ARMH4: variants seen among roughly 807,000 people sequenced by gnomAD.
The protein encoded by ARMH4 is armadillo like helical domain containing 4, also known as armadillo-like helical domain-containing protein 4.
A neutral mutation model predicts 61.9 loss-of-function variants in ARMH4; 49 were observed. The observed-to-expected ratio is 0.79, with a 90% CI of 0.63 to 1.00. The LOEUF is 1.00. Among genes scored for constraint, ARMH4 ranks in the 50% least tolerant of loss-of-function variants. ARMH4 has a pLI of 0.00. For missense variants in ARMH4, 934 were observed against 930.0 expected, an observed-to-expected ratio of 1.00 and a Z score of -0.06; for synonymous variants, 368 against 341.5, an observed-to-expected ratio of 1.08 and a Z score of -0.85.
intron 4 of ARMH4, among the ~76,000 whole-genome samples, chr14:58,107,412 C>T (rs1752718231): frequency 6.6e-6 from 1 of 152,118 alleles, no homozygotes; most frequent in Non-Finnish European, 1.5e-5. Flanking sequence ...TTTTACATGT[C>T]AAATTTCTCT....
chr14:58,118,875 G>A (rs1371803745), intron 4 of ARMH4, among the ~76,000 whole-genome samples: 5 of 152,102 alleles, frequency 3.3e-5, no homozygotes, highest in Non-Finnish European at 5.9e-5. Flanking sequence ...GTTTTAATAG[G>A]AAACAGGATT....
intron 5 of ARMH4, among the ~76,000 whole-genome samples, chr14:58,033,022 G>T (rs12888960): frequency 1.1e-5 from 1 of 93,012 alleles, no homozygotes; most frequent in Non-Finnish European, 2.3e-5. Flanking sequence ...CAAAGCAGCC[G>T]GGAACCTCGA....
intron 4 of ARMH4, among the ~76,000 whole-genome samples, chr14:58,117,400 T>C (rs1027861817): frequency 6.6e-6 from 1 of 152,242 alleles, no homozygotes; most frequent in African/African-American, 2.4e-5. Flanking sequence ...TTGGTTAGGT[T>C]GATTATTGAC....
chr14:58,137,900 A>C, intron 2 of ARMH4, 90 bp downstream of exon 2: 1 of 1,315,162 alleles, frequency 7.6e-7, no homozygotes, highest in Middle Eastern at 2.3e-4. Context: ...TTTTCATTAA[A>C]ACTTCAACCT....
intron 1 of ARMH4, among the ~76,000 whole-genome samples, chr14:58,149,044 A>C (rs530882596): frequency 6.6e-6 from 1 of 152,316 alleles, no homozygotes; most frequent in South Asian, 2.1e-4. Flanking sequence ...GTGTCTTAAC[A>C]ATCTTTCCAC....
At chr14:58,141,592 C>A in intron 1 of ARMH4, 3 of 475,000 alleles carry the variant, frequency 6.3e-6, no homozygotes, top group South Asian at 5.0e-5. Flanking sequence ...TTGCCTGCAC[C>A]CCGGTGCTAT....
chr14:58,136,949 T>C (rs1018676938), intron 2 of ARMH4, among the ~76,000 whole-genome samples: 4 of 152,198 alleles, frequency 2.6e-5, no homozygotes, highest in African/African-American at 7.2e-5. Context: ...TTCATATAGT[T>C]AATACTATGA....
chr14:58,008,812 G>A (rs932893671), intron 6 of ARMH4, among the ~76,000 whole-genome samples: 4 of 152,188 alleles, frequency 2.6e-5, no homozygotes, highest in Admixed American at 6.5e-5. Flanking sequence ...ATTGAGAATC[G>A]CTGCTATGAA....
chr14:58,030,134 G>A (rs1883174526), intron 5 of ARMH4, among the ~76,000 whole-genome samples: 1 of 152,210 alleles, frequency 6.6e-6, no homozygotes, highest in Non-Finnish European at 1.5e-5. Flanking sequence ...AGAAGATGGG[G>A]TAAAGAAGCT....
In ARMH4 at chr14:58,001,916, T is replaced by A. The variant is rs1231710852; in HGVS notation, c.*2820A>T. The A allele has an allele frequency of 2.6e-5, 4 of 151,972 alleles. No homozygotes were observed. Among genetic ancestry groups the A allele is most frequent in the Non-Finnish European group, 5.9e-5 (4 of 67,988 alleles). 9.4% of individuals were successfully genotyped at this position (151,972 alleles called of 1,614,324 possible). A position where few individuals can be genotyped will look rare whatever the true frequency, so the allele number is the denominator to read the frequency against. On this transcript the variant is annotated 3_prime_UTR_variant, in exon 8 of 8. Coordinates refer to ENST00000267485, the MANE Select transcript of ARMH4 (RefSeq NM_001001872.4). ...TTCTGGCTGGGTAAACTCAGTCCAG[T>A]GGGGATGGTGTTCACAACTGAAGCT... is the stretch of plus-strand genomic sequence containing the variant.
At chr14:58,036,817 T>TA (rs1379268586) in intron 5 of ARMH4, among the ~76,000 whole-genome samples, 1 of 125,140 alleles carries the variant, frequency 8.0e-6, no homozygotes, top group African/African-American at 2.9e-5. Flanking sequence ...TCAAAGAGAA[T>TA]AAAATACCTA....
At position 58,152,190 on chromosome 14, in the gene ARMH4, C is replaced by G. The variant is rs987466246; in HGVS notation, c.-172G>C. 1.3e-5 allele frequency: 2 copies of G among 158,778 alleles called. No individual in the cohort carries two copies. The highest frequency in any genetic ancestry group is 4.8e-5 in the African/African-American group (2 of 41,510). 9.8% of individuals were successfully genotyped at this position (158,778 alleles called of 1,614,324 possible). A position where few individuals can be genotyped will look rare whatever the true frequency, so the allele number is the denominator to read the frequency against. Reference sequence around the variant, plus strand: ...CGGCGGTAGCGGCGGCGACTCCCTCCGCTGTCTGGGACGCTAGGGGGAGGG... The same window carrying G: ...CGGCGGTAGCGGCGGCGACTCCCTCGGCTGTCTGGGACGCTAGGGGGAGGG... On this transcript the variant is annotated 5_prime_UTR_variant, in exon 1 of 8. Coordinates refer to ENST00000267485, the MANE Select transcript of ARMH4 (RefSeq NM_001001872.4).
At chr14:58,100,978 G>A (rs997143758) in intron 4 of ARMH4, 8 of 173,224 alleles carry the variant, frequency 4.6e-5, no homozygotes, top group African/African-American at 1.2e-4. Context: ...CAAAGGAAAA[G>A]CCAAAGATGT....
chr14:58,135,679 T>C (rs1411947507), intron 2 of ARMH4, among the ~76,000 whole-genome samples: 1 of 152,094 alleles, frequency 6.6e-6, no homozygotes, highest in Non-Finnish European at 1.5e-5. Context: ...TGATCTTCAG[T>C]TGAAGCAGCT....
rs1469124105 is a variant in ARMH4, at chr14:58,138,221, G to A, written c.1138C>T (p.Leu380=). ...CTCTCATTCCCATGCGCTATTAGCA[G>A]GGCTGTGCCCGTGTGTGTTTCCCCT... ...PEGETHTGTA[L]LIAHGNERSP... The change falls in exon 2 of 8, where the codon CTG becomes TTG. Residue 380 remains leucine, a synonymous_variant. Coordinates refer to ENST00000267485, the MANE Select transcript of ARMH4 (RefSeq NM_001001872.4). 3 of 1,614,214 alleles carry A rather than the reference G, an allele frequency of 1.9e-6. No homozygotes were observed. Among genetic ancestry groups the A allele is most frequent in the African/African-American group, 2.7e-5 (2 of 75,058 alleles).
At chr14:58,102,228 G>A (rs1886007838) in intron 4 of ARMH4, among the ~76,000 whole-genome samples, 1 of 152,130 alleles carries the variant, frequency 6.6e-6, no homozygotes, top group Non-Finnish European at 1.5e-5. Flanking sequence ...AATGAGTTAT[G>A]GGGTAGAGAA....
intron 5 of ARMH4, among the ~76,000 whole-genome samples, chr14:58,069,074 C>T (rs993251280): frequency 2.6e-5 from 4 of 150,966 alleles, no homozygotes; most frequent in African/African-American, 9.7e-5. Context: ...CTAGTCCAAA[C>T]ATCCCCTGAC....
At chr14:58,101,900 T>C (rs913001731) in intron 4 of ARMH4, among the ~76,000 whole-genome samples, 2 of 152,048 alleles carry the variant, frequency 1.3e-5, no homozygotes, top group South Asian at 2.1e-4. Flanking sequence ...ATTTCACAAA[T>C]GGATGGGTAG....
At chr14:58,132,660 C>A (rs1488370893) in intron 3 of ARMH4, among the ~76,000 whole-genome samples, 1 of 146,714 alleles carries the variant, frequency 6.8e-6, no homozygotes, top group East Asian at 2.0e-4. Context: ...ATCTCCGCTC[C>A]CTGCAAGCTC....
Sources: allele counts gnomAD v4.1 joint callset (sites outside exome capture counted in the v4.1 genomes callset), GRCh38; gene constraint gnomAD v4.1.1; transcripts MANE v1.5; gene names NCBI Gene and HGNC (gene_info 2026-07-23, HGNC 2026-07-21).